NKAIN1: variants seen among roughly 807,000 people sequenced by gnomAD.
NKAIN1 encodes the protein sodium/potassium-transporting ATPase subunit beta-1-interacting protein 1.
Under a neutral mutation model 31.6 loss-of-function variants are expected in NKAIN1, and 13 were observed. That is an observed-to-expected ratio of 0.41 (90% confidence interval 0.27 to 0.65). The LOEUF (loss-of-function observed/expected upper bound fraction) is 0.65, where lower values mean the gene tolerates loss of function less well. Ranked by LOEUF, NKAIN1 falls within the 30% of genes least tolerant of loss-of-function variation. The pLI is 0.30. For missense variants in NKAIN1, 193 were observed against 262.2 expected (o/e 0.74, Z 1.82); for synonymous variants, 104 against 109.0 (o/e 0.95, Z 0.28).
At chr1:31,192,350 T>A (rs1295028865) in intron 1 of NKAIN1, among the ~76,000 whole-genome samples, 1 of 152,190 alleles carries the variant, frequency 6.6e-6, no homozygotes, top group Non-Finnish European at 1.5e-5. Context: ...CACTTATTTA[T>A]TCACAGAACG....
rs3046278 is a variant in NKAIN1 at position 31,183,436 on chromosome 1, C to CTTTTTTTTTTTT, written c.471+369_471+380dup. On this transcript the variant is annotated intron_variant, in intron 4 of 6. Transcript: ENST00000373736. ...GGCGGAAGACCTAGGTTCATTCCCTCTTTTTTTTTTTTTTTTTTTTTTTTT... is the reference window on the plus strand; with the variant it reads ...GGCGGAAGACCTAGGTTCATTCCCTCTTTTTTTTTTTTTTTTTTTTTTTTTTTTTTTTTTTTT... 5.3e-4 allele frequency among the ~76,000 whole-genome samples: 57 copies of CTTTTTTTTTTTT among 106,680 alleles called. 3 individuals are homozygous for CTTTTTTTTTTTT. Among genetic ancestry groups the CTTTTTTTTTTTT allele is most frequent in the African/African-American group, 2.9e-3 (51 of 17,894 alleles). 70.0% of individuals were successfully genotyped at this position (106,680 alleles called of 152,430 possible).
chr1:31,211,758 T>C (rs1486474769), intron 1 of NKAIN1, among the ~76,000 whole-genome samples: 1 of 152,074 alleles, frequency 6.6e-6, no homozygotes, highest in African/African-American at 2.4e-5. Flanking sequence ...CTGGCTAACA[T>C]AGTGAAATTT....
At chr1:31,210,799 C>T (rs1645462654) in intron 1 of NKAIN1, among the ~76,000 whole-genome samples, 1 of 152,010 alleles carries the variant, frequency 6.6e-6, no homozygotes, top group Non-Finnish European at 1.5e-5. Context: ...ATTTAGAATC[C>T]CTGAAGGAAG....
In NKAIN1 at chr1:31,181,706, C is replaced by A. The variant is rs756512892; in HGVS notation, c.621G>T (p.Gly207=). 1 of 1,484,394 alleles carries A rather than the reference C, an allele frequency of 6.7e-7. No homozygotes were observed. Among genetic ancestry groups the A allele is most frequent in the Non-Finnish European group, 9.0e-7 (1 of 1,111,066 alleles). The allele number at this position is 1,484,394 out of a possible 1,614,324, so 92.0% of individuals were successfully genotyped here. A position where few individuals can be genotyped will look rare whatever the true frequency, so the allele number is the denominator to read the frequency against. Residue 207 remains glycine (G), a synonymous_variant, in exon 7 of 7, where the codon GGG becomes GGT. Coordinates refer to ENST00000373736, the MANE Select transcript of NKAIN1 (RefSeq NM_024522.3). Reference sequence around the variant, plus strand: ...CGGGGTGGGCGCGGGGCAGAGGCTACCCCGACCTGCGGGAAACAAAGGCAG... The same window carrying A: ...CGGGGTGGGCGCGGGGCAGAGGCTAACCCGACCTGCGGGAAACAAAGGCAG... The part of the protein sequence containing the change: ...HLQLQPLYTS[G]
intron 1 of NKAIN1, among the ~76,000 whole-genome samples, chr1:31,221,746 T>C (rs1274308330): frequency 1.3e-5 from 2 of 152,166 alleles, no homozygotes; most frequent in Non-Finnish European, 2.9e-5. Flanking sequence ...GAAATCCATA[T>C]TTCAACAAAC....
chr1:31,183,196 C>T (rs1048532347), intron 4 of NKAIN1, among the ~76,000 whole-genome samples: 3 of 152,070 alleles, frequency 2.0e-5, no homozygotes, highest in African/African-American at 7.2e-5. Context: ...CTGGTATTGT[C>T]ATTCTTTTTT....
chr1:31,205,623 T>G (rs1253876510), intron 1 of NKAIN1, among the ~76,000 whole-genome samples: 1 of 144,532 alleles, frequency 6.9e-6, no homozygotes, highest in African/African-American at 2.6e-5. Flanking sequence ...GTTTTTTTTT[T>G]TTTTTTTTTT....
At chr1:31,181,748 C>A in intron 6 of NKAIN1, 36 bp from the exon 7 acceptor site, 1 of 1,527,536 alleles carries the variant, frequency 6.5e-7, no homozygotes, top group Non-Finnish European at 8.8e-7. Context: ...GAGAGTGGAT[C>A]CCAAAAGTAT....
rs556172742 is a variant in NKAIN1 at position 31,179,938 on chromosome 1, G to A, written c.*1765C>T. On this transcript the variant is annotated 3_prime_UTR_variant, in exon 7 of 7. Coordinates refer to ENST00000373736, the MANE Select transcript of NKAIN1 (RefSeq NM_024522.3). ...GGCTTGGGGGAGAGTTGGGGTGAGA[G>A]AGGTGAGGGCTGGAGGCAGGGCTGG... 6 of 152,666 alleles carry A rather than the reference G, an allele frequency of 3.9e-5. No individual in the cohort carries two copies. Among genetic ancestry groups the A allele is most frequent in the African/African-American group, 1.2e-4 (5 of 41,470 alleles). The allele number at this position is 152,666 out of a possible 1,614,324, so 9.5% of individuals were successfully genotyped here.
At chr1:31,204,133 G>A (rs1315419822) in intron 1 of NKAIN1, among the ~76,000 whole-genome samples, 1 of 152,124 alleles carries the variant, frequency 6.6e-6, no homozygotes, top group Admixed American at 6.6e-5. Flanking sequence ...CAGCTTGGAG[G>A]CCTGGGGTGG....
At position 31,183,974 on chromosome 1, in the gene NKAIN1, C is replaced by A. The variant is rs970883036; in HGVS notation, c.314G>T (p.Arg105Leu). 1 of 1,613,854 alleles carries A rather than the reference C, an allele frequency of 6.2e-7. No individual in the cohort carries two copies. The highest frequency in any genetic ancestry group is 8.5e-7 in the Non-Finnish European group (1 of 1,180,008). Reference sequence around the variant, plus strand: ...TGGCCCATTCTCCATCCACCAGGAGCGGTGCAGGGATGTGTTGAAGGTCAT... The same window carrying A: ...TGGCCCATTCTCCATCCACCAGGAGAGGTGCAGGGATGTGTTGAAGGTCAT... Reference protein sequence around the residue: ...FIMTFNTSLHRSWWMENGPGC... With the variant: ...FIMTFNTSLHLSWWMENGPGC... Residue 105 changes from arginine to leucine, a missense_variant, in exon 4 of 7, where the codon CGC (arginine) becomes CTC (leucine). Coordinates refer to ENST00000373736, the MANE Select transcript of NKAIN1 (RefSeq NM_024522.3).
At chr1:31,236,672 T>C (rs1189800880) in intron 1 of NKAIN1, among the ~76,000 whole-genome samples, 1 of 152,186 alleles carries the variant, frequency 6.6e-6, no homozygotes, top group Non-Finnish European at 1.5e-5. Flanking sequence ...CTTCACAAGC[T>C]GCCCAAAGCC....
chr1:31,189,191 G>A (rs543700794), intron 1 of NKAIN1, among the ~76,000 whole-genome samples: 1 of 152,154 alleles, frequency 6.6e-6, no homozygotes, highest in Admixed American at 6.6e-5. Flanking sequence ...ATGTGAGCGA[G>A]GCCATGCTAG....
At chr1:31,202,910 G>A (rs1377576598) in intron 1 of NKAIN1, among the ~76,000 whole-genome samples, 2 of 151,246 alleles carry the variant, frequency 1.3e-5, no homozygotes, top group Admixed American at 6.6e-5. Flanking sequence ...CCAGGAGGTG[G>A]AGGTTGCAGT....
At chr1:31,197,104 CT>C (rs922550782) in intron 1 of NKAIN1, among the ~76,000 whole-genome samples, 5,385 of 134,500 alleles carry the variant, frequency 0.04, 42 homozygotes, top group Middle Eastern at 0.072. Flanking sequence ...TGGATTTTTA[CT>C]TTTTTTTTTT....
At chr1:31,202,674 TAAAA>T (rs35561378) in intron 1 of NKAIN1, among the ~76,000 whole-genome samples, 1 of 100,990 alleles carries the variant, frequency 9.9e-6, no homozygotes, top group Non-Finnish European at 1.9e-5. Flanking sequence ...AGACTCTGTA[TAAAA>T]AAAAAAAAAA....
chr1:31,219,283 G>A (rs1645543422), intron 1 of NKAIN1, among the ~76,000 whole-genome samples: 1 of 152,226 alleles, frequency 6.6e-6, no homozygotes, highest in Non-Finnish European at 1.5e-5. Context: ...TTCTGGCTGG[G>A]GTCTCATACG....
chr1:31,194,767 C>CTTTTT (rs35385145), intron 1 of NKAIN1, among the ~76,000 whole-genome samples: 3 of 99,396 alleles, frequency 3.0e-5, no homozygotes, highest in African/African-American at 4.3e-5. Context: ...CTCTCTCTCT[C>CTTTTT]TTTTTTTTTT....
chr1:31,186,036 T>C (rs1209904116), intron 2 of NKAIN1, among the ~76,000 whole-genome samples: 2 of 147,422 alleles, frequency 1.4e-5, no homozygotes, highest in African/African-American at 5.0e-5. Flanking sequence ...AAGACCAGCC[T>C]GGGCAATATG....
Sources: gnomAD v4.1 joint callset for allele counts (sites outside exome capture counted in the v4.1 genomes callset) on GRCh38, gnomAD v4.1.1 for gene constraint, MANE v1.5 for transcripts, NCBI Gene and HGNC (gene_info 2026-07-23, HGNC 2026-07-21) for gene names.